GOLGA1: variants seen among roughly 807,000 people sequenced by gnomAD.
The protein encoded by GOLGA1 is golgin subfamily A member 1.
Under a neutral mutation model 119.7 loss-of-function variants are expected in GOLGA1, and 63 were observed. That is an observed-to-expected ratio of 0.53 (90% confidence interval 0.43 to 0.65). The LOEUF is 0.65. GOLGA1 is among the 30% of genes least tolerant of loss of function. The pLI, the probability that GOLGA1 is intolerant of heterozygous loss-of-function variation, is 0.00. For synonymous variants in GOLGA1, 318 were observed against 333.4 expected, an observed-to-expected ratio of 0.95 and a Z score of 0.50; for missense variants, 798 against 912.8, an observed-to-expected ratio of 0.87 and a Z score of 1.62.
chr9:124,924,795 A>G (rs980945240), intron 7 of GOLGA1, among the ~76,000 whole-genome samples: 1 of 151,792 alleles, frequency 6.6e-6, no homozygotes, highest in Admixed American at 6.6e-5. Context: ...TTCCTACTCT[A>G]GAAAATTTCC....
At position 124,898,464 on chromosome 9, in the gene GOLGA1, G is replaced by A. The variant is rs1588068062; in HGVS notation, c.1407+85C>T. The A allele has an allele frequency of 1.5e-5, 12 of 793,676 alleles. 1 individual carries two copies. Among genetic ancestry groups the A allele is most frequent in the East Asian group, 1.2e-4 (5 of 40,556 alleles). The allele number at this position is 793,676 out of a possible 1,614,324, so 49.2% of individuals were successfully genotyped here. ...ATGCTAATTCTCCTCCTCCTGTACTGTAAGTATGAGAAGTGGGGCACTGTA... is the reference window on the plus strand; with the variant it reads ...ATGCTAATTCTCCTCCTCCTGTACTATAAGTATGAGAAGTGGGGCACTGTA... On this transcript the variant is annotated intron_variant, in intron 15 of 22. Coordinates refer to ENST00000373555, the MANE Select transcript of GOLGA1 (RefSeq NM_002077.4).
upstream of GOLGA1, chr9:124,944,046 C>T (rs1831101280): frequency 6.6e-6 from 1 of 152,144 alleles, no homozygotes; most frequent in South Asian, 2.1e-4. Context: ...TAAGATGTTT[C>T]TACCTCAACT....
rs751564069 is a variant in GOLGA1, at chr9:124,882,553, T to C, written c.1922A>G (p.Gln641Arg). Residue 641 changes from glutamine (Q) to arginine (R), a missense_variant, in exon 20 of 23, where the codon CAG becomes CGG. Coordinates refer to ENST00000373555, the MANE Select transcript of GOLGA1 (RefSeq NM_002077.4). ...CTTCCGGAGCTCCAGCATCCGCTGC[T>C]GCATCTGCTTTATGGTCTGCGACAA... Reference protein sequence around the residue: ...LEKNKTIKQMQQRMLELRKTL... With the variant: ...LEKNKTIKQMRQRMLELRKTL... 2 of 1,612,542 alleles carry C rather than the reference T, an allele frequency of 1.2e-6. No homozygotes were observed. Among genetic ancestry groups the C allele is most frequent in the Non-Finnish European group, 1.7e-6 (2 of 1,179,682 alleles).
Position 124,900,444 on chromosome 9 carries a change from G to A in GOLGA1, c.1161+8C>T. 2.2e-6 allele frequency: 3 copies of A among 1,368,060 alleles called. No individual in the cohort carries two copies. The highest frequency in any genetic ancestry group is 3.1e-6 in the Non-Finnish European group (3 of 955,280). The allele number at this position is 1,368,060 out of a possible 1,614,324, so 84.7% of individuals were successfully genotyped here. On this transcript the variant is annotated splice_region_variant and intron_variant, in intron 13 of 22. Coordinates refer to ENST00000373555, the MANE Select transcript of GOLGA1 (RefSeq NM_002077.4). ...GCCTGGAATGCAGCAGCTCCAATAA[G>A]CACTTACGAGCTCCTGTATCTGAGT...
chr9:124,905,641 T>C (rs898078789), intron 12 of GOLGA1, among the ~76,000 whole-genome samples: 1 of 151,568 alleles, frequency 6.6e-6, no homozygotes, highest in African/African-American at 2.4e-5. Context: ...GAATAAGAGG[T>C]GGGAAGATTG....
Position 124,898,661 on chromosome 9 carries a change from A to C in GOLGA1, c.1312-17T>G. ...CAGTTGTCTCTGCCAATTCAGAAGA[A>C]CACATATAAAAGAAGTCTTCACTAC... On this transcript the variant is annotated splice_polypyrimidine_tract_variant and intron_variant, in intron 14 of 22. Coordinates refer to ENST00000373555, the MANE Select transcript of GOLGA1 (RefSeq NM_002077.4). 2.0e-6 allele frequency: 3 copies of C among 1,487,790 alleles called. No homozygotes were observed. The highest frequency in any genetic ancestry group is 2.8e-6 in the Non-Finnish European group (3 of 1,066,042). 92.2% of individuals were successfully genotyped at this position (1,487,790 alleles called of 1,614,324 possible). A position where few individuals can be genotyped will look rare whatever the true frequency, so the allele number is the denominator to read the frequency against.
chr9:124,917,514 T>C (rs565709413), intron 10 of GOLGA1, among the ~76,000 whole-genome samples: 64 of 152,258 alleles, frequency 4.2e-4, no homozygotes, highest in South Asian at 3.3e-3. Context: ...ATCTCTTCAA[T>C]AGTTCTTACA....
At chr9:124,899,274 C>T (rs757175240) in intron 14 of GOLGA1, 55 bp downstream of exon 14, 91 of 1,481,372 alleles carry the variant, frequency 6.1e-5, no homozygotes, top group South Asian at 1.4e-4. Context: ...AGGCTGACTT[C>T]GCTGTGGGGG....
chr9:124,945,260 AAG>A (rs1457212730), upstream of GOLGA1: 1 of 152,232 alleles, frequency 6.6e-6, no homozygotes, highest in African/African-American at 2.4e-5. Flanking sequence ...AACTATTAAA[AAG>A]AATTTTTTTT....
chr9:124,933,373 TG>T (rs1830807933), intron 3 of GOLGA1, among the ~76,000 whole-genome samples: 1 of 152,182 alleles, frequency 6.6e-6, no homozygotes. Context: ...TGCAAAAATA[TG>T]GGTTTATGCT....
chr9:124,895,615 C>T (rs897493802), intron 15 of GOLGA1, among the ~76,000 whole-genome samples: 1 of 149,620 alleles, frequency 6.7e-6, no homozygotes, highest in East Asian at 2.0e-4. Flanking sequence ...CAGAGAGCCT[C>T]CACGACAGGG....
intron 10 of GOLGA1, among the ~76,000 whole-genome samples, chr9:124,918,861 T>C (rs1472846812): frequency 6.6e-6 from 1 of 152,148 alleles, no homozygotes; most frequent in African/African-American, 2.4e-5. Context: ...TGCCTCCTGC[T>C]GTCCTCCTGA....
At chr9:124,897,769 T>C (rs1215938541) in intron 15 of GOLGA1, among the ~76,000 whole-genome samples, 1 of 152,240 alleles carries the variant, frequency 6.6e-6, no homozygotes, top group Non-Finnish European at 1.5e-5. Context: ...GCAATGCTAC[T>C]ACATTAGTAC....
chr9:124,918,072 G>A (rs567031218), intron 10 of GOLGA1, among the ~76,000 whole-genome samples: 237 of 152,084 alleles, frequency 1.6e-3, no homozygotes, highest in African/African-American at 5.5e-3. Context: ...AGCTGGTCTC[G>A]AACTCCCAAC....
intron 10 of GOLGA1, 66 bp from the exon 11 acceptor site, chr9:124,912,092 T>C (rs1365415772): frequency 1.4e-6 from 2 of 1,467,626 alleles, no homozygotes; most frequent in East Asian, 2.3e-5. Context: ...TGCTTTCTTT[T>C]GGGCCATCAC....
At chr9:124,896,905 C>G (rs1829996693) in intron 15 of GOLGA1, among the ~76,000 whole-genome samples, 1 of 151,982 alleles carries the variant, frequency 6.6e-6, no homozygotes, top group Non-Finnish European at 1.5e-5. Flanking sequence ...GCACTCCAGC[C>G]TGGGCAACAG....
chr9:124,902,327 T>C (rs1429921413), intron 12 of GOLGA1, among the ~76,000 whole-genome samples: 1 of 151,758 alleles, frequency 6.6e-6, no homozygotes, highest in Non-Finnish European at 1.5e-5. Context: ...TTAGCCAGGA[T>C]GGTCTCGATC....
upstream of GOLGA1, chr9:124,943,697 A>G (rs895663803): frequency 6.6e-6 from 1 of 152,206 alleles, no homozygotes; most frequent in Admixed American, 6.5e-5. Context: ...AATGTAGACA[A>G]TAAGTTCAGC....
At chr9:124,880,744 A>C in intron 22 of GOLGA1, 134 bp from the exon 23 acceptor site, 1 of 645,256 alleles carries the variant, frequency 1.5e-6, no homozygotes, top group Admixed American at 2.2e-5. Context: ...TGAGCAGAGC[A>C]AGAAGATGGT....
Sources: allele counts gnomAD v4.1 joint callset (sites outside exome capture counted in the v4.1 genomes callset), GRCh38; gene constraint gnomAD v4.1.1; transcripts MANE v1.5; gene names NCBI Gene and HGNC (gene_info 2026-07-23, HGNC 2026-07-21).